SGMS1: variants seen among roughly 807,000 people sequenced by gnomAD.
SGMS1 encodes sphingomyelin synthase 1.
Under a neutral mutation model 46.2 loss-of-function variants are expected in SGMS1, and 13 were observed. The ratio of observed to expected loss-of-function variants is 0.28; its 90% CI spans 0.18 to 0.45. The LOEUF (loss-of-function observed/expected upper bound fraction) is 0.45, where lower values mean the gene tolerates loss of function less well. Among genes scored for constraint, SGMS1 ranks in the 20% least tolerant of loss-of-function variants. SGMS1 has a pLI of 1.00. For synonymous variants in SGMS1, 203 were observed against 187.8 expected, an observed-to-expected ratio of 1.08 and a Z score of -0.66; for missense variants, 324 against 519.9, an observed-to-expected ratio of 0.62 and a Z score of 3.66.
chr10:50,510,694 A>G (rs922938969), intron 3 of SGMS1, among the ~76,000 whole-genome samples: 1 of 151,866 alleles, frequency 6.6e-6, no homozygotes, highest in African/African-American at 2.4e-5. Flanking sequence ...TGTATCCTTC[A>G]CCCAGCTTCT....
intron 2 of SGMS1, among the ~76,000 whole-genome samples, chr10:50,551,017 A>G (rs1048191108): frequency 2.6e-5 from 4 of 152,216 alleles, no homozygotes; most frequent in Non-Finnish European, 5.9e-5. Flanking sequence ...ATTTATGTAG[A>G]CATTCCAACC....
intron 6 of SGMS1, among the ~76,000 whole-genome samples, chr10:50,423,892 T>A (rs1849288039): frequency 6.6e-6 from 1 of 152,210 alleles, no homozygotes; most frequent in Non-Finnish European, 1.5e-5. Flanking sequence ...AAGAAAAACA[T>A]GCTCAATTTA....
At chr10:50,615,254 G>A (rs1040401923) in intron 1 of SGMS1, among the ~76,000 whole-genome samples, 2 of 152,140 alleles carry the variant, frequency 1.3e-5, no homozygotes, top group Non-Finnish European at 1.5e-5. Context: ...AGGTCTTTCC[G>A]GACAAAAGCC....
At chr10:50,599,246 C>T (rs1311793923) in intron 1 of SGMS1, among the ~76,000 whole-genome samples, 2 of 152,176 alleles carry the variant, frequency 1.3e-5, no homozygotes, top group East Asian at 3.8e-4. Flanking sequence ...AAAAAAGCTC[C>T]CATCAAAAAC....
chr10:50,624,840 A>T, upstream of SGMS1: 1 of 987,706 alleles, frequency 1.0e-6, no homozygotes, highest in Non-Finnish European at 1.2e-6. Flanking sequence ...GGTGGCCTAC[A>T]GGCAGCCCGA....
intron 6 of SGMS1, among the ~76,000 whole-genome samples, chr10:50,352,722 A>G (rs1848042986): frequency 6.6e-6 from 1 of 152,210 alleles, no homozygotes; most frequent in Admixed American, 6.5e-5. Flanking sequence ...TCACAGATCT[A>G]AGCTTGTATC....
At chr10:50,621,069 G>A (rs556534210) in intron 1 of SGMS1, among the ~76,000 whole-genome samples, 1 of 152,120 alleles carries the variant, frequency 6.6e-6, no homozygotes, top group East Asian at 1.9e-4. Context: ...CCAGCTACTC[G>A]GGAGGCTGAG....
chr10:50,608,863 G>A (rs1838720737), intron 1 of SGMS1, among the ~76,000 whole-genome samples: 1 of 152,138 alleles, frequency 6.6e-6, no homozygotes, highest in Non-Finnish European at 1.5e-5. Context: ...CATCATATAA[G>A]ATGGCATGAT....
At chr10:50,412,316 C>G (rs1849112450) in intron 6 of SGMS1, among the ~76,000 whole-genome samples, 1 of 152,198 alleles carries the variant, frequency 6.6e-6, no homozygotes, top group South Asian at 2.1e-4. Context: ...CTTCCTAAGC[C>G]ATGGAACTTT....
At chr10:50,313,995 T>C (rs1356312843) in intron 8 of SGMS1, among the ~76,000 whole-genome samples, 1 of 151,986 alleles carries the variant, frequency 6.6e-6, no homozygotes, top group Non-Finnish European at 1.5e-5. Flanking sequence ...TTAAATTATG[T>C]TTAAAAAAAG....
chr10:50,392,982 G>A (rs1848795974), intron 6 of SGMS1, among the ~76,000 whole-genome samples: 1 of 148,114 alleles, frequency 6.8e-6, no homozygotes. Context: ...CAAACATAAA[G>A]CATCCAGAAA....
chr10:50,442,046 T>G (rs141701181), intron 5 of SGMS1, among the ~76,000 whole-genome samples: 1 of 152,186 alleles, frequency 6.6e-6, no homozygotes, highest in African/African-American at 2.4e-5. Flanking sequence ...TAACTTGCTT[T>G]TATTTTTTTA....
At chr10:50,560,615 A>T (rs974338005) in intron 2 of SGMS1, among the ~76,000 whole-genome samples, 6 of 147,170 alleles carry the variant, frequency 4.1e-5, no homozygotes, top group Non-Finnish European at 8.9e-5. Context: ...AATACACAAT[A>T]TATGTAATAT....
At chr10:50,431,729 C>T (rs1849405967) in intron 6 of SGMS1, among the ~76,000 whole-genome samples, 1 of 152,168 alleles carries the variant, frequency 6.6e-6, no homozygotes, top group South Asian at 2.1e-4. Context: ...GCATGGAATG[C>T]TTAGTTGGGA....
intron 6 of SGMS1, among the ~76,000 whole-genome samples, chr10:50,356,429 A>C (rs1848149419): frequency 6.6e-6 from 1 of 152,142 alleles, no homozygotes; most frequent in East Asian, 1.9e-4. Context: ...CGGAAGGCGG[A>C]AGGCGGCAGG....
At position 50,602,731 on chromosome 10, in the gene SGMS1, T is replaced by C. The variant is rs546405550; in HGVS notation, c.-683-12484A>G. Among the ~76,000 whole-genome samples, 5 of 152,352 alleles carry C rather than the reference T, an allele frequency of 3.3e-5. No homozygotes were observed. In the South Asian group the frequency reaches 1.0e-3, roughly 32 times the overall value. On this transcript the variant is annotated intron_variant, in intron 1 of 10. Transcript: ENST00000361781. The stretch of plus-strand genomic sequence containing the variant: ...GATAAAACTGGAAGCTGGATATATA[T>C]GCATTTATTGTATTATTCTCAGTAG...
intron 3 of SGMS1, among the ~76,000 whole-genome samples, chr10:50,493,155 T>A (rs894534848): frequency 2.0e-5 from 3 of 152,060 alleles, no homozygotes; most frequent in Non-Finnish European, 2.9e-5. Flanking sequence ...AACCCAGAAA[T>A]AAGACTGCAT....
chr10:50,373,698 C>T (rs1412272588), intron 6 of SGMS1, among the ~76,000 whole-genome samples: 4 of 152,066 alleles, frequency 2.6e-5, no homozygotes, highest in African/African-American at 4.8e-5. Context: ...TGACTAAGAG[C>T]GGCAATTATG....
intron 2 of SGMS1, among the ~76,000 whole-genome samples, chr10:50,581,916 G>C (rs1475280910): frequency 1.3e-5 from 2 of 152,182 alleles, no homozygotes; most frequent in African/African-American, 4.8e-5. Flanking sequence ...AAGAAATTGA[G>C]AAAAAGACAA....
Sources: gnomAD v4.1 joint callset for allele counts (sites outside exome capture counted in the v4.1 genomes callset) on GRCh38, gnomAD v4.1.1 for gene constraint, MANE v1.5 for transcripts, NCBI Gene and HGNC (gene_info 2026-07-23, HGNC 2026-07-21) for gene names.